Variants in POU2AF1 observed in about 807,000 individuals in gnomAD.
The protein encoded by POU2AF1 is POU domain class 2-associating factor 1.
POU2AF1 carries 12 observed loss-of-function variants against 26.3 expected under a neutral mutation model. The ratio of observed to expected loss-of-function variants is 0.46; its 90% CI spans 0.29 to 0.74. The LOEUF (loss-of-function observed/expected upper bound fraction) is 0.74, where lower values mean the gene tolerates loss of function less well. Among genes scored for constraint, POU2AF1 ranks in the 30% least tolerant of loss-of-function variants. The pLI is 0.09. For synonymous variants in POU2AF1, 175 were observed against 148.0 expected (o/e 1.18, Z -1.32); for missense variants, 297 against 334.5 (o/e 0.89, Z 0.87).
intron 4 of POU2AF1, among the ~76,000 whole-genome samples, chr11:111,355,609 C>T (rs894402554): frequency 3.9e-5 from 6 of 152,126 alleles, no homozygotes; most frequent in South Asian, 2.1e-4. Context: ...CTTGTTAGAA[C>T]GCAGCTTCTG....
intron 1 of POU2AF1, chr11:111,359,319 T>G (rs1860960479): frequency 8.3e-6 from 2 of 240,488 alleles, no homozygotes; most frequent in South Asian, 6.2e-5. Flanking sequence ...TCCCTCTCAC[T>G]TCTTCCAACC....
At chr11:111,370,500 AG>A (rs1861188651) in intron 1 of POU2AF1, among the ~76,000 whole-genome samples, 1 of 152,170 alleles carries the variant, frequency 6.6e-6, no homozygotes, top group South Asian at 2.1e-4. Flanking sequence ...AGGGGGATCC[AG>A]CTGTGACCTG....
intron 1 of POU2AF1, among the ~76,000 whole-genome samples, chr11:111,375,999 T>C (rs1420246178): frequency 6.6e-6 from 1 of 152,212 alleles, no homozygotes; most frequent in African/African-American, 2.4e-5. Flanking sequence ...TGCAATATCC[T>C]ATCACCCAAG....
chr11:111,370,357 G>C (rs1861184787), intron 1 of POU2AF1, among the ~76,000 whole-genome samples: 1 of 152,164 alleles, frequency 6.6e-6, no homozygotes, highest in Admixed American at 6.5e-5. Context: ...GACCCACAAA[G>C]ACCGAACACA....
At chr11:111,372,843 G>T (rs1402592550) in intron 1 of POU2AF1, among the ~76,000 whole-genome samples, 1 of 152,178 alleles carries the variant, frequency 6.6e-6, no homozygotes, top group Non-Finnish European at 1.5e-5. Context: ...GTTGTGTGTT[G>T]GGAGGGAGAA....
At chr11:111,359,921 G>A in intron 1 of POU2AF1, 1 of 518,896 alleles carries the variant, frequency 1.9e-6, no homozygotes, top group Non-Finnish European at 3.8e-6. Flanking sequence ...ATTGAGGCAA[G>A]TGGCTCCCAG....
chr11:111,371,947 A>C (rs929532345), intron 1 of POU2AF1, among the ~76,000 whole-genome samples: 2 of 151,978 alleles, frequency 1.3e-5, no homozygotes, highest in Non-Finnish European at 2.9e-5. Context: ...GCAAAGAAAG[A>C]ACAGAAGTGT....
chr11:111,353,749 C>T lies in POU2AF1; in HGVS notation c.*512G>A, dbSNP rs1860781722. On this transcript the variant is annotated 3_prime_UTR_variant, in exon 5 of 5. Transcript: ENST00000393067. Reference sequence around the variant, plus strand: ...GGCACTGGAGGAAGGAGGCCTTTTCCAAGAAATGAAATGTGACAGAAATGA... The same window carrying T: ...GGCACTGGAGGAAGGAGGCCTTTTCTAAGAAATGAAATGTGACAGAAATGA... 4.0e-6 allele frequency: 1 copy of T among 249,576 alleles called. No individual in the cohort carries two copies. The highest frequency in any genetic ancestry group is 2.2e-5 in the African/African-American group (1 of 45,370). 15.5% of individuals were successfully genotyped at this position (249,576 alleles called of 1,614,324 possible).
Position 111,354,360 on chromosome 11 carries a change from T to C in POU2AF1, c.672A>G (p.Arg224=). Residue 224 remains arginine (R), a synonymous_variant, in exon 5 of 5, where the codon AGA becomes AGG. Coordinates refer to ENST00000393067, the MANE Select transcript of POU2AF1 (RefSeq NM_006235.3). ...EPVLQDMEDP[R]RAASSLTIDK... ...CGATGGTCAACGAGCTGGCGGCTCT[T>C]CTGGGGTCTTCCATGTCCTGAAGGA... 1 of 1,614,194 alleles carries C rather than the reference T, an allele frequency of 6.2e-7. No individual in the cohort carries two copies. The highest frequency in any genetic ancestry group is 8.5e-7 in the Non-Finnish European group (1 of 1,180,022).
chr11:111,357,127 A>C (rs7944695), intron 4 of POU2AF1, among the ~76,000 whole-genome samples: 7,484 of 147,126 alleles, frequency 0.051, 196 homozygotes, highest in Middle Eastern at 0.15. Flanking sequence ...CTGGTGCCAC[A>C]TTCACTAAAA....
chr11:111,375,989 T>C (rs888731600), intron 1 of POU2AF1, among the ~76,000 whole-genome samples: 4 of 152,236 alleles, frequency 2.6e-5, no homozygotes, highest in Non-Finnish European at 5.9e-5. Context: ...TGGAAAATTT[T>C]GCAATATCCT....
At chr11:111,357,953 G>A in intron 2 of POU2AF1, 116 bp from the exon 3 acceptor site, 5 of 1,178,254 alleles carry the variant, frequency 4.2e-6, no homozygotes, top group Non-Finnish European at 5.9e-6. Flanking sequence ...AATCTCTCTG[G>A]TTAGAACAAA....
At chr11:111,354,696 C>T in intron 4 of POU2AF1, 121 bp from the exon 5 acceptor site, 2 of 887,364 alleles carry the variant, frequency 2.3e-6, no homozygotes, top group East Asian at 3.0e-5. Flanking sequence ...TTTCTCACTT[C>T]ATGGGGCTCC....
At position 111,372,365 on chromosome 11, in the gene POU2AF1, T is replaced by C. The variant is rs963421132; in HGVS notation, c.16+6797A>G. On this transcript the variant is annotated intron_variant, in intron 1 of 4. Coordinates refer to ENST00000393067, the MANE Select transcript of POU2AF1 (RefSeq NM_006235.3). ...TCTTCAACAGGTAAGCTGAAGTAAATGTTAAACAAAATGGGTTCTCATGGT... is the reference window on the plus strand; with the variant it reads ...TCTTCAACAGGTAAGCTGAAGTAAACGTTAAACAAAATGGGTTCTCATGGT... 2.0e-5 allele frequency among the ~76,000 whole-genome samples: 3 copies of C among 152,092 alleles called. 1 individual carries two copies. The South Asian group carries it at 6.2e-4, about 32-fold the overall frequency.
intron 1 of POU2AF1, among the ~76,000 whole-genome samples, chr11:111,376,342 A>G (rs976420815): frequency 2.6e-5 from 4 of 152,172 alleles, no homozygotes; most frequent in Non-Finnish European, 1.5e-5. Flanking sequence ...TATTTCCACT[A>G]CACTGTTACT....
At chr11:111,365,432 C>T (rs1385418298) in intron 1 of POU2AF1, among the ~76,000 whole-genome samples, 1 of 151,990 alleles carries the variant, frequency 6.6e-6, no homozygotes, top group Non-Finnish European at 1.5e-5. Flanking sequence ...AGCCCCTAGC[C>T]CAGAAGGACA....
chr11:111,359,159 A>G (rs1860955684), intron 1 of POU2AF1: 2 of 649,188 alleles, frequency 3.1e-6, no homozygotes, highest in Non-Finnish European at 2.6e-6. Context: ...GACAGTCTTC[A>G]GAATGAGATC....
At chr11:111,370,527 T>C (rs1861189317) in intron 1 of POU2AF1, among the ~76,000 whole-genome samples, 1 of 152,042 alleles carries the variant, frequency 6.6e-6, no homozygotes, top group East Asian at 1.9e-4. Context: ...CCCTGGAATA[T>C]AGTTATGGTG....
intron 1 of POU2AF1, chr11:111,363,231 G>C: frequency 2.0e-6 from 2 of 1,018,778 alleles, no homozygotes; most frequent in Non-Finnish European, 2.4e-6. Context: ...TCTCCTGACT[G>C]CCCGGCACGT....
Sources: allele counts gnomAD v4.1 joint callset (sites outside exome capture counted in the v4.1 genomes callset), GRCh38; gene constraint gnomAD v4.1.1; transcripts MANE v1.5; gene names NCBI Gene and HGNC (gene_info 2026-07-23, HGNC 2026-07-21).